The following ALG11 variants were observed in gnomAD, a reference collection of about 807,000 sequenced individuals.
ALG11 encodes GDP-Man:Man(3)GlcNAc(2)-PP-Dol alpha-1,2-mannosyltransferase.
Under a neutral mutation model 38.8 loss-of-function variants are expected in ALG11, and 26 were observed. The ratio of observed to expected loss-of-function variants is 0.67; its 90% confidence interval spans 0.49 to 0.93. The LOEUF (loss-of-function observed/expected upper bound fraction) is 0.93, where lower values mean the gene tolerates loss of function less well. Ranked by LOEUF, ALG11 falls within the 40% of genes least tolerant of loss-of-function variation. The probability of loss-of-function intolerance (pLI) is 0.00; values close to 1 mark genes in which losing one functional copy is unlikely to be tolerated. For synonymous variants in ALG11, 199 were observed against 211.6 expected (o/e 0.94, Z 0.52); for missense variants, 535 against 578.8 (o/e 0.92, Z 0.78).
At chr13:52,026,862 A>G (rs935583508) in intron 3 of ALG11, among the ~76,000 whole-genome samples, 3 of 152,214 alleles carry the variant, frequency 2.0e-5, no homozygotes, top group Non-Finnish European at 2.9e-5. Flanking sequence ...TTGTGCAGGT[A>G]GTTATCAAAG....
In ALG11 at chr13:52,024,334, A is replaced by C. The variant is rs750515209; in HGVS notation, c.604A>C (p.Ile202Leu). ...TGGAAGCTATGTTCATTATCCTACT[A>C]TCAGCACCGACATGCTCTCTGTAGT... ...QVGSYVHYPT[I>L]STDMLSVVKN... The change falls in exon 3 of 4, where the codon ATC (isoleucine) becomes CTC (leucine). Residue 202 changes from isoleucine (I) to leucine (L), a missense_variant. Coordinates refer to ENST00000521508, the MANE Select transcript of ALG11 (RefSeq NM_001004127.3). 5 of 1,614,058 alleles carry C rather than the reference A, an allele frequency of 3.1e-6. No individual in the cohort carries two copies. Among genetic ancestry groups the C allele is most frequent in the Non-Finnish European group, 4.2e-6 (5 of 1,180,036 alleles).
At chr13:52,027,885 C>G (rs1234877034) in intron 3 of ALG11, among the ~76,000 whole-genome samples, 1 of 152,096 alleles carries the variant, frequency 6.6e-6, no homozygotes, top group Admixed American at 6.5e-5. Context: ...CTAACATTCT[C>G]TAGTCTTCTT....
intron 2 of ALG11, chr13:52,022,581 GTTAT>G (rs1954193216): frequency 6.6e-6 from 1 of 151,918 alleles, no homozygotes; most frequent in African/African-American, 2.4e-5. Flanking sequence ...CAGTTTTGCA[GTTAT>G]TTGTTTTGCA....
rs1013569887 is a variant in ALG11 at position 52,033,081 on chromosome 13, A to G, written c.*4491A>G. The G allele has an allele frequency of 6.0e-6, 1 of 167,134 alleles. No homozygotes were observed. The highest frequency in any genetic ancestry group is 2.1e-4 in the South Asian group (1 of 4,834). 10.4% of individuals were successfully genotyped at this position (167,134 alleles called of 1,614,324 possible). ...AAAATTATTTTCATATATCACAGATATATCATTGGAAGATATAATTTGCAT... is the reference window on the plus strand; with the variant it reads ...AAAATTATTTTCATATATCACAGATGTATCATTGGAAGATATAATTTGCAT... On this transcript the variant is annotated 3_prime_UTR_variant, in exon 4 of 4. Coordinates refer to ENST00000521508, the MANE Select transcript of ALG11 (RefSeq NM_001004127.3).
In ALG11 at chr13:52,029,880, T is replaced by C; in HGVS notation, c.*1290T>C. 6.2e-7 allele frequency: 1 copy of C among 1,614,192 alleles called. No homozygotes were observed. Among genetic ancestry groups the C allele is most frequent in the South Asian group, 1.1e-5 (1 of 91,084 alleles). On this transcript the variant is annotated 3_prime_UTR_variant, in exon 4 of 4. Coordinates refer to ENST00000521508, the MANE Select transcript of ALG11 (RefSeq NM_001004127.3). The stretch of plus-strand genomic sequence containing the variant: ...GTGGAAGAACTCCTTGTCCCTCATG[T>C]AGCGAATGAAGTGCAGATGAATGTG...
At chr13:52,023,869 A>G in intron 2 of ALG11, 137 bp from the exon 3 acceptor site, 2 of 640,618 alleles carry the variant, frequency 3.1e-6, no homozygotes, top group African/African-American at 1.9e-5. Context: ...ATCACGGCTC[A>G]CTGCAACCTC....
Position 52,024,171 on chromosome 13 carries a change from C to T in ALG11, c.441C>T (p.Phe147=). ...YLVEDSLYPH[F]TLLGQSLGSI... ...TGGAAGATTCACTGTATCCTCACTT[C>T]ACACTGCTGGGCCAAAGTCTAGGAT... Residue 147 remains phenylalanine (F), a synonymous_variant, in exon 3 of 4, where the codon TTC becomes TTT. Coordinates refer to ENST00000521508, the MANE Select transcript of ALG11 (RefSeq NM_001004127.3). 6.2e-7 allele frequency: 1 copy of T among 1,614,146 alleles called. No homozygotes were observed. The highest frequency in any genetic ancestry group is 1.1e-5 in the South Asian group (1 of 91,088).
At chr13:52,020,108 G>GT (rs1954172071) in intron 2 of ALG11, among the ~76,000 whole-genome samples, 1 of 152,202 alleles carries the variant, frequency 6.6e-6, no homozygotes, top group Non-Finnish European at 1.5e-5. Context: ...CTTTCAGGCA[G>GT]TTGTGGCACA....
At chr13:52,013,277 A>G (rs1244383354) in intron 1 of ALG11, among the ~76,000 whole-genome samples, 1 of 152,232 alleles carries the variant, frequency 6.6e-6, no homozygotes, top group Non-Finnish European at 1.5e-5. Context: ...AAAATTTATA[A>G]TTAACACCAT....
chr13:52,029,844 G>A lies in ALG11; in HGVS notation c.*1254G>A. 6.2e-7 allele frequency: 1 copy of A among 1,614,212 alleles called. No homozygotes were observed. The highest frequency in any genetic ancestry group is 8.5e-7 in the Non-Finnish European group (1 of 1,180,034). On this transcript the variant is annotated 3_prime_UTR_variant, in exon 4 of 4. Coordinates refer to ENST00000521508, the MANE Select transcript of ALG11 (RefSeq NM_001004127.3). ...GCCTCTGAGAGTGAGGAAGAGGAGG[G>A]AGGCACAGAAGTGGAAGAACTCCTT...
At position 52,032,923 on chromosome 13, in the gene ALG11, T is replaced by C. The variant is rs1212782070; in HGVS notation, c.*4333T>C. 1.2e-5 allele frequency: 2 copies of C among 167,118 alleles called. No homozygotes were observed. Among genetic ancestry groups the C allele is most frequent in the African/African-American group, 4.8e-5 (2 of 41,464 alleles). 10.4% of individuals were successfully genotyped at this position (167,118 alleles called of 1,614,324 possible). ...ATTCTGACTCCTGGCCCAGTGCTTT[T>C]TCTTACTTTGTAGCTACACTTTGAA... On this transcript the variant is annotated 3_prime_UTR_variant, in exon 4 of 4. Transcript: ENST00000521508.
At position 52,024,679 on chromosome 13, in the gene ALG11, T is replaced by C. The variant is rs769901623; in HGVS notation, c.949T>C (p.Leu317=). ...GQFRPEKNHP[L]QIRAFAKLLN... ...GTTTAGGCCGGAAAAGAATCATCCATTGCAGATCAGAGCCTTTGCTAAATT... is the reference window on the plus strand; with the variant it reads ...GTTTAGGCCGGAAAAGAATCATCCACTGCAGATCAGAGCCTTTGCTAAATT... The change falls in exon 3 of 4, where the codon TTG becomes CTG. Residue 317 remains leucine (L), a synonymous_variant. Coordinates refer to ENST00000521508, the MANE Select transcript of ALG11 (RefSeq NM_001004127.3). 1.2e-6 allele frequency: 2 copies of C among 1,614,198 alleles called. No individual in the cohort carries two copies. The highest frequency in any genetic ancestry group is 3.3e-4 in the Middle Eastern group (2 of 6,062).
At position 52,024,294 on chromosome 13, in the gene ALG11, A is replaced by G. The variant is rs552851740; in HGVS notation, c.564A>G (p.Ile188Met). Residue 188 changes from isoleucine (I) to methionine (M), a missense_variant, in exon 3 of 4, where the codon ATA (isoleucine) becomes ATG (methionine). Transcript: ENST00000521508. ...TTACGCTTCCTCTGTTTAAGTATATAGGGGGTTGCCAAGTTGGAAGCTATG... is the reference window on the plus strand; with the variant it reads ...TTACGCTTCCTCTGTTTAAGTATATGGGGGGTTGCCAAGTTGGAAGCTATG... ...YAFTLPLFKY[I>M]GGCQVGSYVH... is the part of the protein sequence containing the mutation. 4 of 1,614,152 alleles carry G rather than the reference A, an allele frequency of 2.5e-6. No homozygotes were observed. The East Asian group carries it at 6.7e-5, about 27-fold the overall frequency.
At position 52,028,869 on chromosome 13, in the gene ALG11, C is replaced by CA. The variant is rs769669893; in HGVS notation, c.*285dup. 3.1e-6 allele frequency: 5 copies of CA among 1,614,002 alleles called. No homozygotes were observed. The highest frequency in any genetic ancestry group is 2.2e-5 in the East Asian group (1 of 44,886). On this transcript the variant is annotated 3_prime_UTR_variant, in exon 4 of 4. Transcript: ENST00000521508. ...CACCAGGAAGAACTAGTGGATTTGC[C>CA]AAAAAACTACCCCTTGAGTGAAAAT...
In ALG11 at chr13:52,026,209, C is replaced by A. The variant is rs373318544; in HGVS notation, c.1207+1272C>A. 3.7e-4 allele frequency among the ~76,000 whole-genome samples: 57 copies of A among 152,334 alleles called. 1 individual carries two copies. In the South Asian group the frequency reaches 6.6e-3, roughly 18 times the overall value. On this transcript the variant is annotated intron_variant, in intron 3 of 3. Coordinates refer to ENST00000521508, the MANE Select transcript of ALG11 (RefSeq NM_001004127.3). ...AGTTGCCCAAGGAAATGATGTGACA[C>A]TTGAGCAGGACCCGAACAATAGAGG...
intron 2 of ALG11, among the ~76,000 whole-genome samples, chr13:52,020,361 A>C (rs550241428): frequency 7.2e-5 from 11 of 152,196 alleles, no homozygotes; most frequent in African/African-American, 2.4e-4. Flanking sequence ...TGGTTACCCT[A>C]CTTCCTGGTA....
intron 1 of ALG11, among the ~76,000 whole-genome samples, chr13:52,013,671 T>A (rs569769198): frequency 1.6e-4 from 24 of 152,180 alleles, no homozygotes; most frequent in African/African-American, 5.1e-4. Flanking sequence ...TTTGAAAGAG[T>A]GTCCTGAGAA....
At position 52,020,892 on chromosome 13, in the gene ALG11, C is replaced by A. The variant is rs140385671; in HGVS notation, c.275+1749C>A. ...TAACCTTTTTCTCCCCAGTTAATTT[C>A]TACAAGCCTTTCCTAACTCAACACA... On this transcript the variant is annotated intron_variant, in intron 2 of 3. Coordinates refer to ENST00000521508, the MANE Select transcript of ALG11 (RefSeq NM_001004127.3). The A allele has an allele frequency of 7.4e-3, 1,122 of 152,326 alleles. 6 individuals carry two copies. Among genetic ancestry groups the A allele is most frequent in the Non-Finnish European group, 0.011 (775 of 68,052 alleles). The allele number at this position is 152,326 out of a possible 1,614,324, so 9.4% of individuals were successfully genotyped here.
intron 1 of ALG11, chr13:52,017,673 GC>G (rs2140831113): frequency 6.3e-6 from 1 of 158,328 alleles, no homozygotes; most frequent in Non-Finnish European, 1.4e-5. Context: ...GGTCTCCCCA[GC>G]CATATGGAAC....
Sources: allele counts gnomAD v4.1 joint callset (sites outside exome capture counted in the v4.1 genomes callset), GRCh38; gene constraint gnomAD v4.1.1; transcripts MANE v1.5; gene names NCBI Gene and HGNC (gene_info 2026-07-23, HGNC 2026-07-21).